Variants in CADM2 observed in about 807,000 individuals in gnomAD.
CADM2 encodes the protein cell adhesion molecule 2, also known as immunoglobulin superfamily member 4D.
CADM2 carries 12 observed loss-of-function variants against 49.8 expected under a neutral mutation model. The ratio of observed to expected loss-of-function variants is 0.24; its 90% confidence interval spans 0.15 to 0.39. The LOEUF is 0.39. CADM2 is among the 10% of genes least tolerant of loss of function. The pLI is 1.00. For synonymous variants in CADM2, 214 were observed against 175.4 expected, an observed-to-expected ratio of 1.22 and a Z score of -1.74; for missense variants, 378 against 492.3, an observed-to-expected ratio of 0.77 and a Z score of 2.20.
intron 1 of CADM2, among the ~76,000 whole-genome samples, chr3:85,133,031 C>G (rs1374421593): frequency 6.6e-6 from 1 of 152,046 alleles, no homozygotes; most frequent in African/African-American, 2.4e-5. Context: ...CAGACCTTTG[C>G]GGTGAGTGTT....
At chr3:85,983,370 G>T in intron 8 of CADM2, among the ~76,000 whole-genome samples, 1 of 151,726 alleles carries the variant, frequency 6.6e-6, no homozygotes, top group Non-Finnish European at 1.5e-5. Flanking sequence ...GAAAGAGCTG[G>T]ATTGAGCCCT....
chr3:85,061,935 A>G (rs868046698), intron 1 of CADM2, among the ~76,000 whole-genome samples: 2 of 151,366 alleles, frequency 1.3e-5, no homozygotes, highest in African/African-American at 2.4e-5. Flanking sequence ...AAAACATACT[A>G]TCAGAAAGAA....
intron 5 of CADM2, among the ~76,000 whole-genome samples, chr3:85,904,206 C>A (rs1186263043): frequency 6.6e-6 from 1 of 152,160 alleles, no homozygotes; most frequent in Non-Finnish European, 1.5e-5. Flanking sequence ...CTTGCTTTGT[C>A]TCTTCTGGAT....
At chr3:85,201,875 G>C (rs1471362722) in intron 1 of CADM2, among the ~76,000 whole-genome samples, 2 of 151,854 alleles carry the variant, frequency 1.3e-5, no homozygotes, top group African/African-American at 4.8e-5. Context: ...AAGGTCAAGA[G>C]ATCAAGACCA....
intron 1 of CADM2, among the ~76,000 whole-genome samples, chr3:85,634,698 C>G (rs576479812): frequency 6.6e-6 from 1 of 151,900 alleles, no homozygotes; most frequent in Non-Finnish European, 1.5e-5. Context: ...TATGTGTGTG[C>G]ATGTATATTA....
intron 1 of CADM2, among the ~76,000 whole-genome samples, chr3:84,961,264 T>G (rs966144646): frequency 1.3e-5 from 2 of 152,138 alleles, no homozygotes; most frequent in African/African-American, 4.8e-5. Flanking sequence ...GGACCGAATT[T>G]TATTTATGCA....
intron 8 of CADM2, among the ~76,000 whole-genome samples, chr3:85,990,808 C>G (rs1353742040): frequency 6.6e-6 from 1 of 152,154 alleles, no homozygotes; most frequent in Non-Finnish European, 1.5e-5. Context: ...ATAGACCATC[C>G]TTTAAAGCCA....
intron 1 of CADM2, among the ~76,000 whole-genome samples, chr3:85,714,731 T>C (rs1036565858): frequency 2.0e-5 from 3 of 152,052 alleles, no homozygotes; most frequent in Non-Finnish European, 4.4e-5. Context: ...CGCCTGGCCC[T>C]GTTTATCTAT....
intron 2 of CADM2, among the ~76,000 whole-genome samples, chr3:85,794,875 A>T (rs1160076401): frequency 6.6e-6 from 1 of 152,158 alleles, no homozygotes; most frequent in African/African-American, 2.4e-5. Context: ...ATTCATACAA[A>T]GCAAGGCACA....
intron 8 of CADM2, among the ~76,000 whole-genome samples, chr3:85,966,883 T>A (rs1189011297): frequency 6.6e-6 from 1 of 151,656 alleles, no homozygotes; most frequent in Non-Finnish European, 1.5e-5. Flanking sequence ...ATAGGATACG[T>A]CATATTTTAT....
chr3:85,804,153 C>A (rs58849487), intron 3 of CADM2, among the ~76,000 whole-genome samples: 100 of 151,928 alleles, frequency 6.6e-4, no homozygotes, highest in African/African-American at 2.3e-3. Flanking sequence ...AGTGTATGCT[C>A]AAATATAAGG....
At chr3:85,028,789 A>G (rs1407628217) in intron 1 of CADM2, among the ~76,000 whole-genome samples, 1 of 152,010 alleles carries the variant, frequency 6.6e-6, no homozygotes, top group Non-Finnish European at 1.5e-5. Flanking sequence ...ATCAGGAAAC[A>G]AGATAGAATT....
intron 8 of CADM2, among the ~76,000 whole-genome samples, chr3:85,994,883 G>A (rs897825527): frequency 6.6e-6 from 1 of 152,014 alleles, no homozygotes; most frequent in Non-Finnish European, 1.5e-5. Context: ...AACAGATATA[G>A]TAATGATGAA....
At chr3:85,281,418 T>A (rs1440490688) in intron 1 of CADM2, among the ~76,000 whole-genome samples, 2 of 152,166 alleles carry the variant, frequency 1.3e-5, no homozygotes, top group Non-Finnish European at 2.9e-5. Flanking sequence ...GGTTATACGT[T>A]TAAAAGGCCA....
intron 1 of CADM2, among the ~76,000 whole-genome samples, chr3:85,358,011 A>C (rs190916554): frequency 6.6e-6 from 1 of 152,264 alleles, no homozygotes; most frequent in Admixed American, 6.5e-5. Context: ...ATGTCCTACA[A>C]ATGTATTTGT....
chr3:85,169,186 G>A (rs1165886548), intron 1 of CADM2, among the ~76,000 whole-genome samples: 3 of 151,926 alleles, frequency 2.0e-5, no homozygotes, highest in Non-Finnish European at 4.4e-5. Flanking sequence ...CAGGGTTCCA[G>A]TTCCACCAGG....
At chr3:85,067,096 A>T (rs1021374157) in intron 1 of CADM2, among the ~76,000 whole-genome samples, 12 of 152,144 alleles carry the variant, frequency 7.9e-5, no homozygotes, top group African/African-American at 2.9e-4. Context: ...TCTATTTTTA[A>T]AAAATGTTGT....
intron 1 of CADM2, among the ~76,000 whole-genome samples, chr3:85,613,411 T>C (rs1371586398): frequency 6.6e-6 from 1 of 151,652 alleles, no homozygotes; most frequent in Non-Finnish European, 1.5e-5. Context: ...CATTATGCCT[T>C]TGATTCTGAA....
intron 3 of CADM2, among the ~76,000 whole-genome samples, chr3:85,847,123 C>T (rs990662010): frequency 3.3e-5 from 5 of 152,156 alleles, no homozygotes; most frequent in South Asian, 4.1e-4. Flanking sequence ...ATGATGTTGA[C>T]ATTAGCAGTG....
Sources: gnomAD v4.1 joint callset for allele counts (sites outside exome capture counted in the v4.1 genomes callset) on GRCh38, gnomAD v4.1.1 for gene constraint, MANE v1.5 for transcripts, NCBI Gene and HGNC (gene_info 2026-07-23, HGNC 2026-07-21) for gene names.